The following MOB1B variants were observed in gnomAD, a reference collection of about 807,000 sequenced individuals.
The protein encoded by MOB1B is MOB1 Mps One Binder homolog B.
A neutral mutation model predicts 24.4 loss-of-function variants in MOB1B; 19 were observed. The observed-to-expected ratio is 0.78, with a 90% CI of 0.54 to 1.14. The LOEUF (loss-of-function observed/expected upper bound fraction) is 1.14, where lower values mean the gene tolerates loss of function less well. Ranked by LOEUF, MOB1B falls within the 50% of genes most tolerant of loss-of-function variation. MOB1B has a pLI of 0.00. For missense variants in MOB1B, 243 were observed against 259.6 expected, an observed-to-expected ratio of 0.94 and a Z score of 0.44; for synonymous variants, 76 against 82.1, an observed-to-expected ratio of 0.93 and a Z score of 0.40.
intron 1 of MOB1B, among the ~76,000 whole-genome samples, chr4:70,912,249 T>C (rs772984151): frequency 1.4e-4 from 21 of 149,962 alleles, no homozygotes; most frequent in Admixed American, 7.5e-4. Context: ...AGCTGTGAAG[T>C]AACATTCTTT....
At chr4:70,906,519 A>G (rs572971885) in intron 1 of MOB1B, among the ~76,000 whole-genome samples, 2 of 152,336 alleles carry the variant, frequency 1.3e-5, no homozygotes, top group South Asian at 4.1e-4. Context: ...ATCATGTAGT[A>G]TGGCGGAAGG....
chr4:70,970,104 T>C (rs1019939339), intron 3 of MOB1B, 80 bp downstream of exon 3: 2 of 807,524 alleles, frequency 2.5e-6, no homozygotes, highest in Admixed American at 2.4e-5. Context: ...TCTGACCATA[T>C]GATTTTTCTA....
rs896243401 is a variant in MOB1B, at chr4:70,987,067, G to C, written c.*5010G>C. On this transcript the variant is annotated 3_prime_UTR_variant, in exon 6 of 6. Coordinates refer to ENST00000309395, the MANE Select transcript of MOB1B (RefSeq NM_173468.4). ...GTAAAATCACTGGCTTTTTCCAGCT[G>C]TATGTTTTTCCACTGTGCGTGTACA... The C allele has an allele frequency of 3.3e-5, 5 of 152,230 alleles. No homozygotes were observed. The highest frequency in any genetic ancestry group is 3.9e-4 in the East Asian group (2 of 5,186). 9.4% of individuals were successfully genotyped at this position (152,230 alleles called of 1,614,324 possible). A position where few individuals can be genotyped will look rare whatever the true frequency, so the allele number is the denominator to read the frequency against.
chr4:70,938,938 G>A (rs1737207863), intron 1 of MOB1B, among the ~76,000 whole-genome samples: 1 of 151,928 alleles, frequency 6.6e-6, no homozygotes, highest in Non-Finnish European at 1.5e-5. Flanking sequence ...CCAGCACCTC[G>A]ACCTCCCAAA....
At chr4:70,926,524 A>C (rs1429105383) in intron 1 of MOB1B, among the ~76,000 whole-genome samples, 1 of 152,212 alleles carries the variant, frequency 6.6e-6, no homozygotes, top group Non-Finnish European at 1.5e-5. Flanking sequence ...CACTGTCATT[A>C]TCTCCACTCA....
intron 1 of MOB1B, among the ~76,000 whole-genome samples, chr4:70,938,794 G>A (rs892235719): frequency 1.6e-5 from 2 of 126,674 alleles, no homozygotes; most frequent in African/African-American, 6.2e-5. Flanking sequence ...TTTTTTTTTT[G>A]GAGATGGAGT....
chr4:70,915,928 G>C (rs941178351), intron 1 of MOB1B, among the ~76,000 whole-genome samples: 1 of 152,120 alleles, frequency 6.6e-6, no homozygotes, highest in Non-Finnish European at 1.5e-5. Context: ...GTCTCTAGGC[G>C]AGAGGAAATG....
At chr4:70,977,413 T>G (rs966285082) in intron 4 of MOB1B, among the ~76,000 whole-genome samples, 1 of 152,196 alleles carries the variant, frequency 6.6e-6, no homozygotes, top group African/African-American at 2.4e-5. Flanking sequence ...TATGATGACA[T>G]TGAACCCAGT....
At chr4:70,975,127 G>C (rs771523735) in intron 3 of MOB1B, 26 bp from the exon 4 acceptor site, 16 of 1,569,082 alleles carry the variant, frequency 1.0e-5, no homozygotes, top group Non-Finnish European at 1.1e-5. Context: ...CTAATCTTCT[G>C]TGTGCTTTTT....
chr4:70,964,290 C>T (rs1738427455), intron 2 of MOB1B, among the ~76,000 whole-genome samples: 1 of 152,066 alleles, frequency 6.6e-6, no homozygotes, highest in Admixed American at 6.6e-5. Flanking sequence ...GAGCACATGA[C>T]CTAAGCACCT....
chr4:70,927,383 T>C (rs1463114769), intron 1 of MOB1B, among the ~76,000 whole-genome samples: 11 of 151,798 alleles, frequency 7.2e-5, no homozygotes, highest in Admixed American at 3.3e-4. Context: ...CTACTAAAAA[T>C]ACAATAATTA....
intron 1 of MOB1B, among the ~76,000 whole-genome samples, chr4:70,941,616 C>CA (rs1389817541): frequency 2.0e-5 from 3 of 152,184 alleles, no homozygotes; most frequent in Admixed American, 2.0e-4. Flanking sequence ...GCTGGGATTA[C>CA]AGGTGTGAGC....
chr4:70,920,329 G>GATC (rs1274645137), intron 1 of MOB1B, among the ~76,000 whole-genome samples: 3 of 151,884 alleles, frequency 2.0e-5, no homozygotes, highest in Non-Finnish European at 4.4e-5. Flanking sequence ...GGGTTCATGT[G>GATC]ATCTCCTGCC....
intron 1 of MOB1B, among the ~76,000 whole-genome samples, chr4:70,944,909 G>A (rs1737513868): frequency 6.6e-6 from 1 of 152,066 alleles, no homozygotes; most frequent in Non-Finnish European, 1.5e-5. Flanking sequence ...CCAGCATTGG[G>A]GATTACAATT....
At chr4:70,947,123 C>T (rs1010858953) in intron 1 of MOB1B, among the ~76,000 whole-genome samples, 4 of 151,932 alleles carry the variant, frequency 2.6e-5, no homozygotes, top group African/African-American at 7.3e-5. Flanking sequence ...TGAAACTGGC[C>T]GTGAAATATC....
chr4:70,908,191 A>G (rs1178352858), intron 1 of MOB1B, among the ~76,000 whole-genome samples: 7 of 150,768 alleles, frequency 4.6e-5, no homozygotes, highest in Admixed American at 4.6e-4. Flanking sequence ...ATGCCCGGCT[A>G]CTTTTTTTTT....
intron 1 of MOB1B, among the ~76,000 whole-genome samples, chr4:70,913,618 T>C (rs28891170): frequency 0.04 from 6,091 of 152,210 alleles, 397 homozygotes; most frequent in African/African-American, 0.14. Context: ...CTGCATCTTA[T>C]CAGATGCATA....
chr4:70,975,188 A>G lies in MOB1B; in HGVS notation c.311A>G (p.Lys104Arg), dbSNP rs765493444. The G allele has an allele frequency of 6.2e-7, 1 of 1,610,212 alleles. No individual in the cohort carries two copies. Among genetic ancestry groups the G allele is most frequent in the African/African-American group, 1.3e-5 (1 of 74,820 alleles). The change falls in exon 4 of 6, where the codon AAG (lysine) becomes AGG (arginine). Residue 104 changes from lysine (K) to arginine (R), a missense_variant. Physicochemically the swap from Lys to Arg is conservative, Grantham distance 26. Coordinates refer to ENST00000309395, the MANE Select transcript of MOB1B (RefSeq NM_173468.4). ...CATTGGGCAGATGGAACGAACATAAAGAAACCTATTAAGTGCTCTGCACCA... is the reference window on the plus strand; with the variant it reads ...CATTGGGCAGATGGAACGAACATAAGGAAACCTATTAAGTGCTCTGCACCA... ...EYHWADGTNI[K>R]KPIKCSAPKY...
chr4:70,908,658 C>T (rs1282411895), intron 1 of MOB1B, among the ~76,000 whole-genome samples: 3 of 151,068 alleles, frequency 2.0e-5, no homozygotes, highest in Non-Finnish European at 4.4e-5. Flanking sequence ...GCCTGTAGTC[C>T]CAGCTACTCG....
Sources: gnomAD v4.1 joint callset for allele counts (sites outside exome capture counted in the v4.1 genomes callset) on GRCh38, gnomAD v4.1.1 for gene constraint, MANE v1.5 for transcripts, NCBI Gene and HGNC (gene_info 2026-07-23, HGNC 2026-07-21) for gene names.